Variants in CPEB3 observed in about 807,000 individuals in gnomAD.
CPEB3 encodes the protein cytoplasmic polyadenylation element-binding protein 3.
Under a neutral mutation model 67.2 loss-of-function variants are expected in CPEB3, and 20 were observed. That is an observed-to-expected ratio of 0.30 (90% CI 0.21 to 0.43). CPEB3 has a LOEUF of 0.43. Ranked by LOEUF, CPEB3 falls within the 20% of genes least tolerant of loss-of-function variation. The pLI is 1.00. For synonymous variants in CPEB3, 376 were observed against 393.1 expected, an observed-to-expected ratio of 0.96 and a Z score of 0.51; for missense variants, 746 against 968.6, an observed-to-expected ratio of 0.77 and a Z score of 3.05.
chr10:92,214,903 AGTG>A, intron 2 of CPEB3, among the ~76,000 whole-genome samples: 1 of 151,964 alleles, frequency 6.6e-6, no homozygotes, highest in Non-Finnish European at 1.5e-5. Flanking sequence ...GCTGGAGTGC[AGTG>A]GTGCAATCTT....
chr10:92,092,965 T>C (rs1843684595), intron 7 of CPEB3, among the ~76,000 whole-genome samples: 1 of 152,216 alleles, frequency 6.6e-6, no homozygotes. Flanking sequence ...GCCCATAGTT[T>C]GTACTATTTT....
chr10:92,215,536 G>A (rs1156923650), intron 2 of CPEB3, among the ~76,000 whole-genome samples: 2 of 148,184 alleles, frequency 1.3e-5, no homozygotes, highest in Non-Finnish European at 3.0e-5. Flanking sequence ...CCACCTCCCG[G>A]GTTCAAGCGA....
chr10:92,229,215 A>T (rs1851142963), intron 2 of CPEB3, among the ~76,000 whole-genome samples: 2 of 151,576 alleles, frequency 1.3e-5, no homozygotes, highest in South Asian at 4.2e-4. Context: ...TAATTTTTTT[A>T]TAGAGACAGG....
intron 7 of CPEB3, among the ~76,000 whole-genome samples, chr10:92,109,828 G>A (rs1246602115): frequency 6.6e-6 from 1 of 152,088 alleles, no homozygotes; most frequent in East Asian, 1.9e-4. Context: ...TCATTTTTTA[G>A]CAAACAGTTG....
chr10:92,197,196 A>G (rs1849283427), intron 2 of CPEB3, among the ~76,000 whole-genome samples: 1 of 152,246 alleles, frequency 6.6e-6, no homozygotes, highest in South Asian at 2.1e-4. Context: ...TACAGGCTTA[A>G]TTAAACAAAC....
At chr10:92,056,649 G>A (rs1010046095) in intron 9 of CPEB3, among the ~76,000 whole-genome samples, 7 of 152,228 alleles carry the variant, frequency 4.6e-5, no homozygotes, top group South Asian at 4.1e-4. Context: ...TTGAAAGTCC[G>A]TCTAGGCCAT....
intron 2 of CPEB3, among the ~76,000 whole-genome samples, chr10:92,193,463 A>T (rs1590351612): frequency 1.3e-5 from 2 of 151,548 alleles, no homozygotes; most frequent in South Asian, 4.2e-4. Context: ...GAAAGACCAC[A>T]ATTTTTTTTT....
At chr10:92,162,880 G>C (rs909337130) in intron 4 of CPEB3, among the ~76,000 whole-genome samples, 1 of 152,004 alleles carries the variant, frequency 6.6e-6, no homozygotes, top group Admixed American at 6.6e-5. Flanking sequence ...AACCTTTTTA[G>C]GTTCACAGCA....
intron 4 of CPEB3, among the ~76,000 whole-genome samples, chr10:92,158,213 C>A (rs899861469): frequency 6.6e-6 from 1 of 152,052 alleles, no homozygotes; most frequent in Admixed American, 6.6e-5. Flanking sequence ...AACTTGACTG[C>A]AGACACTATA....
chr10:92,140,515 A>C (rs1484388845), intron 6 of CPEB3, among the ~76,000 whole-genome samples: 3 of 152,100 alleles, frequency 2.0e-5, no homozygotes, highest in African/African-American at 7.2e-5. Context: ...CAGACCTAAA[A>C]CCATAAAAAC....
chr10:92,203,114 T>C (rs1849595018), intron 2 of CPEB3, among the ~76,000 whole-genome samples: 2 of 151,280 alleles, frequency 1.3e-5, no homozygotes, highest in Admixed American at 1.3e-4. Context: ...GCTAATTTTT[T>C]GTATTTTTAG....
intron 7 of CPEB3, among the ~76,000 whole-genome samples, chr10:92,106,625 G>C (rs993471724): frequency 6.6e-6 from 1 of 151,844 alleles, no homozygotes; most frequent in Non-Finnish European, 1.5e-5. Context: ...GACCAGCCTG[G>C]CCAACATGGT....
chr10:92,142,918 A>G (rs1846505578), intron 6 of CPEB3, 111 bp downstream of exon 6: 1 of 678,580 alleles, frequency 1.5e-6, no homozygotes, highest in Non-Finnish European at 2.6e-6. Context: ...TGTTTTCCTA[A>G]TTGGGGGAAA....
intron 1 of CPEB3, among the ~76,000 whole-genome samples, chr10:92,272,413 G>C (rs924774763): frequency 2.0e-5 from 3 of 152,008 alleles, no homozygotes; most frequent in African/African-American, 7.2e-5. Context: ...GATAACACTA[G>C]GCATATTCAT....
intron 8 of CPEB3, among the ~76,000 whole-genome samples, chr10:92,086,570 C>T (rs765816528): frequency 3.9e-5 from 6 of 152,132 alleles, no homozygotes; most frequent in East Asian, 1.9e-4. Context: ...ATCTCGAAAG[C>T]GCAGTCTACC....
At chr10:92,132,601 T>C (rs1845894990) in intron 6 of CPEB3, among the ~76,000 whole-genome samples, 1 of 151,682 alleles carries the variant, frequency 6.6e-6, no homozygotes, top group South Asian at 2.1e-4. Flanking sequence ...AAATGACAAA[T>C]GGGGGAAGGT....
intron 2 of CPEB3, among the ~76,000 whole-genome samples, chr10:92,223,845 T>C (rs1850829214): frequency 6.6e-6 from 1 of 151,836 alleles, no homozygotes; most frequent in African/African-American, 2.4e-5. Flanking sequence ...AACTCCCGGA[T>C]TCAAGCAATT....
chr10:92,058,556 C>A (rs866384601), intron 9 of CPEB3, among the ~76,000 whole-genome samples: 1 of 93,762 alleles, frequency 1.1e-5, no homozygotes, highest in Non-Finnish European at 2.0e-5. Context: ...CTCAAAAATA[C>A]ATACATACAT....
At chr10:92,242,561 T>C (rs1041450313) in intron 1 of CPEB3, among the ~76,000 whole-genome samples, 21 of 152,214 alleles carry the variant, frequency 1.4e-4, no homozygotes, top group African/African-American at 4.8e-4. Flanking sequence ...ATTGTCTTTA[T>C]AATAGCCATA....
Sources: gnomAD v4.1 joint callset for allele counts (sites outside exome capture counted in the v4.1 genomes callset) on GRCh38, gnomAD v4.1.1 for gene constraint, MANE v1.5 for transcripts, NCBI Gene and HGNC (gene_info 2026-07-23, HGNC 2026-07-21) for gene names.